The following DRD3 variants were observed in gnomAD, a reference collection of about 807,000 sequenced individuals.
The protein encoded by DRD3 is D(3) dopamine receptor.
DRD3 carries 19 observed loss-of-function variants against 36.3 expected under a neutral mutation model. The ratio of observed to expected loss-of-function variants is 0.52; its 90% CI spans 0.36 to 0.77. The LOEUF (loss-of-function observed/expected upper bound fraction) is 0.77, where lower values mean the gene tolerates loss of function less well. DRD3 is among the 30% of genes least tolerant of loss of function. The pLI, the probability that DRD3 is intolerant of heterozygous loss-of-function variation, is 0.00. For synonymous variants in DRD3, 195 were observed against 203.7 expected (o/e 0.96, Z 0.36); for missense variants, 465 against 505.3 (o/e 0.92, Z 0.77).
rs2077399180 is a variant in DRD3 at position 114,128,742 on chromosome 3, C to A, written c.1177G>T (p.Ala393Ser). The change falls in exon 7 of 7, where the codon GCC becomes TCC. Residue 393 changes from alanine to serine, a missense_variant. Coordinates refer to ENST00000383673, the MANE Select transcript of DRD3 (RefSeq NM_000796.6). ...CAGCAAGACAGGATCTTGAGGAAGG[C>A]TTTCCGGAACTCGATATTGAAGGTG... Reference protein sequence around the residue: ...YTTFNIEFRKAFLKILSC With the variant: ...YTTFNIEFRKSFLKILSC 6.2e-7 allele frequency: 1 copy of A among 1,607,098 alleles called. No individual in the cohort carries two copies. The highest frequency in any genetic ancestry group is 1.1e-5 in the South Asian group (1 of 89,954).
At chr3:114,172,535 C>T (rs146249029) in intron 1 of DRD3, among the ~76,000 whole-genome samples, 1 of 152,032 alleles carries the variant, frequency 6.6e-6, no homozygotes. Flanking sequence ...GAGGCTGGAG[C>T]CAAGTGAGGC....
chr3:114,132,844 A>G (rs990830603), intron 5 of DRD3, among the ~76,000 whole-genome samples: 1 of 152,262 alleles, frequency 6.6e-6, no homozygotes, highest in African/African-American at 2.4e-5. Context: ...CCTTATTTGA[A>G]TTTTGATTCA....
chr3:114,169,699 C>T (rs533187819), intron 2 of DRD3, among the ~76,000 whole-genome samples: 1 of 152,136 alleles, frequency 6.6e-6, no homozygotes, highest in Non-Finnish European at 1.5e-5. Flanking sequence ...TCTATAGTCT[C>T]ACCTGCCCTT....
Position 114,171,887 on chromosome 3 carries a change from A to G in DRD3, c.106T>C (p.Tyr36His). Reference sequence around the variant, plus strand: ...ACGATGGCCAGGATGAGCGCGCAGTAGGAGAGGGCATAGTAGGCATGTGGG... The same window carrying G: ...ACGATGGCCAGGATGAGCGCGCAGTGGGAGAGGGCATAGTAGGCATGTGGG... ...ARPHAYYALS[Y>H]CALILAIVFG... Residue 36 changes from tyrosine (Y) to histidine (H), a missense_variant, in exon 2 of 7, where the codon TAC becomes CAC. Coordinates refer to ENST00000383673, the MANE Select transcript of DRD3 (RefSeq NM_000796.6). 3 of 1,613,008 alleles carry G rather than the reference A, an allele frequency of 1.9e-6. No individual in the cohort carries two copies. The highest frequency in any genetic ancestry group is 2.5e-6 in the Non-Finnish European group (3 of 1,179,434).
chr3:114,153,848 ATC>A (rs1433015310), intron 3 of DRD3, among the ~76,000 whole-genome samples: 3 of 152,030 alleles, frequency 2.0e-5, no homozygotes, highest in Non-Finnish European at 4.4e-5. Flanking sequence ...AGGGTATTAC[ATC>A]TCTCTCTCTG....
At chr3:114,142,068 A>AAAG (rs1553765418) in intron 4 of DRD3, among the ~76,000 whole-genome samples, 9 of 142,772 alleles carry the variant, frequency 6.3e-5, no homozygotes, top group African/African-American at 2.2e-4. Flanking sequence ...AAAAAAAAAA[A>AAAG]AAAAGAAAAG....
intron 2 of DRD3, among the ~76,000 whole-genome samples, chr3:114,163,746 A>T (rs897043411): frequency 1.3e-5 from 2 of 152,114 alleles, no homozygotes; most frequent in African/African-American, 4.8e-5. Context: ...TGTTCCCAGG[A>T]TCTCAGAATA....
chr3:114,172,396 G>C (rs912352463), intron 1 of DRD3, among the ~76,000 whole-genome samples: 2 of 152,192 alleles, frequency 1.3e-5, no homozygotes, highest in African/African-American at 4.8e-5. Context: ...ATCAGCAATT[G>C]AGTCTTGACC....
intron 3 of DRD3, among the ~76,000 whole-genome samples, chr3:114,157,872 G>A (rs1191155730): frequency 6.6e-6 from 1 of 152,176 alleles, no homozygotes; most frequent in Non-Finnish European, 1.5e-5. Flanking sequence ...GGAGTTTGAG[G>A]CGGGTGGATC....
In DRD3 at chr3:114,151,217, C is replaced by T. The variant is rs138611542; in HGVS notation, c.384-3660G>A. ...TAGTACAATATGTCTACAAGGGCCT[C>T]GCTGTTAGTGGTAACTATGAGGCAC... On this transcript the variant is annotated intron_variant, in intron 3 of 6. Transcript: ENST00000383673. Among the ~76,000 whole-genome samples the T allele has an allele frequency of 4.6e-5, 7 of 152,240 alleles. No individual in the cohort carries two copies. In the East Asian group the frequency reaches 9.6e-4, roughly 21 times the overall value.
intron 5 of DRD3, among the ~76,000 whole-genome samples, chr3:114,132,205 A>G (rs1296414478): frequency 1.3e-5 from 2 of 152,244 alleles, no homozygotes; most frequent in African/African-American, 4.8e-5. Flanking sequence ...ACACATATAC[A>G]CTATAGAATA....
chr3:114,154,213 C>A (rs2077644111), intron 3 of DRD3, among the ~76,000 whole-genome samples: 1 of 152,144 alleles, frequency 6.6e-6, no homozygotes, highest in African/African-American at 2.4e-5. Context: ...GGATGTTGCC[C>A]CTTCTGACTT....
chr3:114,163,632 A>T (rs1290383610), intron 2 of DRD3, among the ~76,000 whole-genome samples: 2 of 152,212 alleles, frequency 1.3e-5, no homozygotes, highest in East Asian at 3.9e-4. Context: ...GAGGTAGAAG[A>T]GTTGGTGTGT....
rs926020681 is a variant in DRD3, at chr3:114,197,921, C to A, written c.-156+1352G>T. ...TTTTTCAAATTTGTCAGGCTATTCT[C>A]GTTCCTTAATATTTCCATATGAACT... On this transcript the variant is annotated intron_variant, in intron 1 of 7. Coordinates refer to the DRD3 transcript ENST00000460779. Among the ~76,000 whole-genome samples, 4 of 152,260 alleles carry A rather than the reference C, an allele frequency of 2.6e-5. No homozygotes were observed. The East Asian group carries it at 7.7e-4, about 29-fold the overall frequency.
chr3:114,196,392 GAA>G (rs1158340883), intron 1 of DRD3, among the ~76,000 whole-genome samples: 5 of 152,058 alleles, frequency 3.3e-5, no homozygotes, highest in Non-Finnish European at 7.4e-5. Context: ...ATAGCTCACT[GAA>G]GCCTGCAGTT....
intron 3 of DRD3, among the ~76,000 whole-genome samples, chr3:114,149,987 T>TA (rs1162512785): frequency 6.6e-6 from 1 of 152,188 alleles, no homozygotes; most frequent in East Asian, 1.9e-4. Flanking sequence ...AGTGCTGACT[T>TA]ACAGACTCTG....
At chr3:114,171,625 G>GGGGAGGA in intron 2 of DRD3, 98 bp downstream of exon 2, 2 of 1,409,624 alleles carry the variant, frequency 1.4e-6, no homozygotes. Context: ...CTCAGTTCCT[G>GGGGAGGA]ACTGTCTGGG....
chr3:114,147,140 G>C (rs1438188269), intron 4 of DRD3, among the ~76,000 whole-genome samples: 1 of 151,902 alleles, frequency 6.6e-6, no homozygotes, highest in Non-Finnish European at 1.5e-5. Context: ...TTCTGCAAAT[G>C]AATACAATGA....
intron 5 of DRD3, among the ~76,000 whole-genome samples, chr3:114,138,534 C>T (rs144313745): frequency 6.6e-6 from 1 of 152,182 alleles, no homozygotes; most frequent in East Asian, 1.9e-4. Flanking sequence ...AAGGGAAAGA[C>T]CCACCCCCAT....
Sources: gnomAD v4.1 joint callset for allele counts (sites outside exome capture counted in the v4.1 genomes callset) on GRCh38, gnomAD v4.1.1 for gene constraint, MANE v1.5 for transcripts, NCBI Gene and HGNC (gene_info 2026-07-23, HGNC 2026-07-21) for gene names.